EYA2: variants seen among roughly 807,000 people sequenced by gnomAD.
EYA2 encodes the protein EYA transcriptional coactivator and phosphatase 2.
EYA2 carries 31 observed loss-of-function variants against 69.2 expected under a neutral mutation model. The ratio of observed to expected loss-of-function variants is 0.45; its 90% CI spans 0.34 to 0.60. The LOEUF (loss-of-function observed/expected upper bound fraction) is 0.60. EYA2 is among the 20% of genes least tolerant of loss of function. The pLI is 0.02. For missense variants in EYA2, 622 were observed against 701.2 expected (o/e 0.89, Z 1.28); for synonymous variants, 257 against 279.4 (o/e 0.92, Z 0.80).
intron 11 of EYA2, among the ~76,000 whole-genome samples, chr20:47,172,324 G>C (rs2034338126): frequency 6.6e-6 from 1 of 151,774 alleles, no homozygotes; most frequent in Admixed American, 6.6e-5. Context: ...AGGAGCCTGT[G>C]GGCCCAGCTC....
intron 14 of EYA2, among the ~76,000 whole-genome samples, chr20:47,182,628 T>TCAAAAAGAAAAAAAA (rs779945744): frequency 1.2e-5 from 1 of 84,340 alleles, no homozygotes; most frequent in Non-Finnish European, 2.1e-5. Context: ...AGACTCCGTC[T>TCAAAAAGAAAAAAAA]AAAAAAAAAA....
intron 2 of EYA2, among the ~76,000 whole-genome samples, chr20:46,994,052 G>C (rs1390580057): frequency 6.6e-6 from 1 of 152,158 alleles, no homozygotes; most frequent in African/African-American, 2.4e-5. Context: ...ATTATTTCTG[G>C]GTGAGTGAAG....
chr20:47,032,871 T>G (rs369849494), intron 5 of EYA2, among the ~76,000 whole-genome samples: 10 of 152,240 alleles, frequency 6.6e-5, no homozygotes, highest in African/African-American at 2.4e-4. Flanking sequence ...TGGACAAAAC[T>G]TCCCACATTT....
At chr20:46,918,878 A>C (rs1265749136) in intron 1 of EYA2, among the ~76,000 whole-genome samples, 1 of 152,220 alleles carries the variant, frequency 6.6e-6, no homozygotes, top group Non-Finnish European at 1.5e-5. Flanking sequence ...AAAATTTGAA[A>C]GTCAAAATTA....
intron 1 of EYA2, among the ~76,000 whole-genome samples, chr20:46,918,939 A>T (rs1302213419): frequency 6.6e-6 from 1 of 152,238 alleles, no homozygotes; most frequent in Non-Finnish European, 1.5e-5. Flanking sequence ...GGGCGTGAAG[A>T]CAACATTTAT....
At chr20:47,003,091 C>G (rs767648410) in intron 3 of EYA2, among the ~76,000 whole-genome samples, 1 of 152,112 alleles carries the variant, frequency 6.6e-6, no homozygotes, top group Non-Finnish European at 1.5e-5. Flanking sequence ...TACGCTTAAC[C>G]CAGTTGTGAC....
chr20:46,977,610 C>G (rs529953197), intron 1 of EYA2, among the ~76,000 whole-genome samples: 35 of 152,324 alleles, frequency 2.3e-4, no homozygotes, highest in African/African-American at 7.2e-4. Flanking sequence ...GCTATGTAAA[C>G]AGCATCGGTG....
At chr20:47,033,356 G>A (rs1420709844) in intron 5 of EYA2, among the ~76,000 whole-genome samples, 1 of 152,200 alleles carries the variant, frequency 6.6e-6, no homozygotes, top group Non-Finnish European at 1.5e-5. Flanking sequence ...TGTTGCAACT[G>A]CTCAACTCTG....
intron 1 of EYA2, among the ~76,000 whole-genome samples, chr20:46,911,573 G>A (rs1984644298): frequency 6.6e-6 from 1 of 152,228 alleles, no homozygotes; most frequent in Non-Finnish European, 1.5e-5. Flanking sequence ...ATTTTAAAGA[G>A]TCTTTGGAGA....
At chr20:46,972,534 T>G (rs546151194) in intron 1 of EYA2, among the ~76,000 whole-genome samples, 55 of 152,320 alleles carry the variant, frequency 3.6e-4, no homozygotes, top group Middle Eastern at 3.4e-3. Context: ...CCTCCCAGTT[T>G]CTTCACTTTT....
intron 9 of EYA2, among the ~76,000 whole-genome samples, chr20:47,139,795 A>G (rs556611781): frequency 9.9e-5 from 15 of 152,230 alleles, no homozygotes; most frequent in African/African-American, 3.6e-4. Flanking sequence ...CCCCCATTGT[A>G]GGCATGATCT....
In EYA2 at chr20:47,188,329, T is replaced by C. The variant is rs1293301468; in HGVS notation, c.*196T>C. On this transcript the variant is annotated 3_prime_UTR_variant, in exon 16 of 16. Coordinates refer to ENST00000327619, the MANE Select transcript of EYA2 (RefSeq NM_005244.5). ...GTTCTGAGAAGGAAAGTACCCAACA[T>C]TGGCTTCGGAGTATTTGACTTTGGG... The C allele has an allele frequency of 6.5e-6, 4 of 613,090 alleles. No homozygotes were observed. The highest frequency in any genetic ancestry group is 1.2e-5 in the Non-Finnish European group (4 of 343,538). The allele number at this position is 613,090 out of a possible 1,614,324, so 38.0% of individuals were successfully genotyped here.
At chr20:46,942,659 T>C (rs993883224) in intron 1 of EYA2, among the ~76,000 whole-genome samples, 1 of 152,218 alleles carries the variant, frequency 6.6e-6, no homozygotes, top group Non-Finnish European at 1.5e-5. Flanking sequence ...CCTGTGTGAC[T>C]TGGGCAAGGC....
intron 1 of EYA2, among the ~76,000 whole-genome samples, chr20:46,927,322 G>A (rs866081956): frequency 9.2e-5 from 14 of 152,180 alleles, no homozygotes; most frequent in Admixed American, 3.3e-4. Flanking sequence ...GAGCCCCGCC[G>A]GGATCTCCCG....
At chr20:47,028,892 A>C (rs1462084993) in intron 5 of EYA2, among the ~76,000 whole-genome samples, 3 of 152,210 alleles carry the variant, frequency 2.0e-5, no homozygotes, top group Non-Finnish European at 2.9e-5. Flanking sequence ...CCACCCCATT[A>C]AAGCTGGTTA....
intron 4 of EYA2, among the ~76,000 whole-genome samples, chr20:47,015,836 A>G (rs961892932): frequency 6.6e-6 from 1 of 152,230 alleles, no homozygotes; most frequent in African/African-American, 2.4e-5. Flanking sequence ...TGACCTGGGA[A>G]ACACCTGAAT....
At chr20:47,120,602 T>C (rs1300876017) in intron 9 of EYA2, among the ~76,000 whole-genome samples, 3 of 152,134 alleles carry the variant, frequency 2.0e-5, no homozygotes, top group Admixed American at 6.5e-5. Context: ...GATGTGACAC[T>C]GTGGAGTCTA....
chr20:47,160,505 G>C (rs1461776229), intron 10 of EYA2, among the ~76,000 whole-genome samples: 1 of 152,098 alleles, frequency 6.6e-6, no homozygotes, highest in East Asian at 1.9e-4. Flanking sequence ...GGGCGGTGCG[G>C]GCAGTGGAGG....
intron 2 of EYA2, among the ~76,000 whole-genome samples, chr20:46,996,600 T>C (rs1982035374): frequency 6.6e-6 from 1 of 152,222 alleles, no homozygotes; most frequent in Non-Finnish European, 1.5e-5. Flanking sequence ...TGATTGTTTG[T>C]CATCCATCTC....
Sources: allele counts gnomAD v4.1 joint callset (sites outside exome capture counted in the v4.1 genomes callset), GRCh38; gene constraint gnomAD v4.1.1; transcripts MANE v1.5; gene names NCBI Gene and HGNC (gene_info 2026-07-23, HGNC 2026-07-21).